Variants in DIAPH3 observed in about 807,000 individuals in gnomAD.
DIAPH3 encodes protein diaphanous homolog 3.
In DIAPH3, 117 loss-of-function variants were observed where a neutral mutation model predicts 144.3. That is an observed-to-expected ratio of 0.81 (90% CI 0.70 to 0.95). DIAPH3 has a LOEUF of 0.95. DIAPH3 is among the 40% of genes least tolerant of loss of function. The pLI is 0.00. For missense variants in DIAPH3, 1,421 were observed against 1,412.7 expected (o/e 1.01, Z -0.09); for synonymous variants, 519 against 488.9 (o/e 1.06, Z -0.81).
chr13:59,673,030 A>G lies in DIAPH3; in HGVS notation c.3320-6184T>C, dbSNP rs748449977. Among the ~76,000 whole-genome samples the G allele has an allele frequency of 1.1e-4, 17 of 152,328 alleles. No homozygotes were observed. The South Asian group carries it at 1.2e-3, about 11-fold the overall frequency. On this transcript the variant is annotated intron_variant, in intron 27 of 27. Transcript: ENST00000400324. ...TATCCTTTAAATAAAATTCAAAGACAGTACTGCCATTTCACAGTTTCCTAT... is the reference window on the plus strand; with the variant it reads ...TATCCTTTAAATAAAATTCAAAGACGGTACTGCCATTTCACAGTTTCCTAT...
chr13:60,006,743 C>T (rs571269866), intron 9 of DIAPH3, among the ~76,000 whole-genome samples: 61 of 152,206 alleles, frequency 4.0e-4, no homozygotes, highest in African/African-American at 1.4e-3. Context: ...GGAAATGAGG[C>T]TAGCAGTACA....
intron 18 of DIAPH3, among the ~76,000 whole-genome samples, chr13:59,917,270 G>GA (rs1264867733): frequency 6.6e-6 from 1 of 152,136 alleles, no homozygotes; most frequent in African/African-American, 2.4e-5. Context: ...TATAAAAGCA[G>GA]AATATAAGGA....
chr13:60,071,761 T>A (rs2057216050), intron 4 of DIAPH3, among the ~76,000 whole-genome samples: 1 of 152,216 alleles, frequency 6.6e-6, no homozygotes, highest in South Asian at 2.1e-4. Context: ...CTATACTTGA[T>A]CCCTCTGCCC....
intron 27 of DIAPH3, among the ~76,000 whole-genome samples, chr13:59,738,272 A>G (rs2036264564): frequency 6.6e-6 from 1 of 152,086 alleles, no homozygotes; most frequent in Non-Finnish European, 1.5e-5. Context: ...TCATCTTAGT[A>G]GAGATCCTGC....
chr13:59,730,989 C>G (rs2035866843), intron 27 of DIAPH3, among the ~76,000 whole-genome samples: 1 of 152,098 alleles, frequency 6.6e-6, no homozygotes, highest in Non-Finnish European at 1.5e-5. Flanking sequence ...CCCATTATTC[C>G]CTTCTTGTCA....
intron 3 of DIAPH3, among the ~76,000 whole-genome samples, chr13:60,094,942 T>G (rs1389668610): frequency 6.6e-6 from 1 of 152,192 alleles, no homozygotes; most frequent in Non-Finnish European, 1.5e-5. Flanking sequence ...TTTGTTTTGT[T>G]TCGTTTTTTT....
intron 27 of DIAPH3, among the ~76,000 whole-genome samples, chr13:59,765,274 T>C (rs576594565): frequency 1.3e-5 from 2 of 152,338 alleles, no homozygotes; most frequent in Admixed American, 6.5e-5. Flanking sequence ...TGTGCCATTC[T>C]TGTTGAAGGA....
intron 27 of DIAPH3, among the ~76,000 whole-genome samples, chr13:59,756,699 C>T (rs971257116): frequency 6.6e-6 from 1 of 152,152 alleles, no homozygotes; most frequent in African/African-American, 2.4e-5. Flanking sequence ...TACCCAAAAA[C>T]CTTGGGGAAG....
chr13:59,747,490 A>G (rs1167727808), intron 27 of DIAPH3, among the ~76,000 whole-genome samples: 2 of 152,204 alleles, frequency 1.3e-5, no homozygotes, highest in African/African-American at 4.8e-5. Context: ...GGGACAAGGC[A>G]TGAGTGGTTT....
At chr13:60,088,750 T>G (rs891595553) in intron 4 of DIAPH3, among the ~76,000 whole-genome samples, 31 of 152,128 alleles carry the variant, frequency 2.0e-4, no homozygotes, top group African/African-American at 7.2e-4. Context: ...GCCTCCTGAA[T>G]AGCTGGGATT....
intron 20 of DIAPH3, among the ~76,000 whole-genome samples, chr13:59,903,075 C>G (rs1321888169): frequency 6.6e-6 from 1 of 152,006 alleles, no homozygotes; most frequent in African/African-American, 2.4e-5. Flanking sequence ...TTCAGACTGA[C>G]ACAACTTATG....
At chr13:60,117,707 G>C (rs928504049) in intron 2 of DIAPH3, among the ~76,000 whole-genome samples, 2 of 152,092 alleles carry the variant, frequency 1.3e-5, no homozygotes, top group African/African-American at 2.4e-5. Context: ...TGATGAAATT[G>C]CACACACGAT....
At chr13:59,809,806 G>A (rs2040380443) in intron 25 of DIAPH3, among the ~76,000 whole-genome samples, 1 of 152,144 alleles carries the variant, frequency 6.6e-6, no homozygotes, top group Admixed American at 6.6e-5. Context: ...AGAAGGCAAA[G>A]TAGGCATCTC....
intron 4 of DIAPH3, among the ~76,000 whole-genome samples, chr13:60,064,863 C>A (rs1387291609): frequency 1.3e-5 from 2 of 152,086 alleles, no homozygotes; most frequent in Non-Finnish European, 2.9e-5. Context: ...ACTTGGGATT[C>A]TTCCTTTCAC....
At chr13:59,781,041 G>A (rs893195612) in intron 25 of DIAPH3, among the ~76,000 whole-genome samples, 13 of 152,176 alleles carry the variant, frequency 8.5e-5, no homozygotes, top group East Asian at 5.8e-4. Context: ...GGAGAAAAAA[G>A]ATAAGTCAGT....
chr13:59,875,352 A>T (rs1176754660), intron 21 of DIAPH3, among the ~76,000 whole-genome samples: 2 of 152,156 alleles, frequency 1.3e-5, no homozygotes, highest in Non-Finnish European at 1.5e-5. Context: ...AAGTCAAGCC[A>T]TCAGAAAGCA....
intron 27 of DIAPH3, among the ~76,000 whole-genome samples, chr13:59,726,077 T>C (rs1035744665): frequency 4.6e-5 from 7 of 152,232 alleles, no homozygotes; most frequent in African/African-American, 1.4e-4. Flanking sequence ...GCCTATTCCA[T>C]TCTATGAATT....
Position 60,104,111 on chromosome 13 carries a change from T to G in DIAPH3, c.390+7899A>C, listed in dbSNP as rs551012655. 3.9e-5 allele frequency among the ~76,000 whole-genome samples: 6 copies of G among 152,310 alleles called. No homozygotes were observed. The Middle Eastern group carries it at 0.014, about 348-fold the overall frequency. The stretch of plus-strand genomic sequence containing the variant: ...AATTAGAAAACTAAAAGATAAATAC[T>G]ACCAAGAACCTGGAACTTAGAATTA... On this transcript the variant is annotated intron_variant, in intron 3 of 27. Coordinates refer to ENST00000400324, the MANE Select transcript of DIAPH3 (RefSeq NM_001042517.2).
chr13:59,701,073 A>G (rs573569755), intron 27 of DIAPH3, among the ~76,000 whole-genome samples: 58 of 152,150 alleles, frequency 3.8e-4, no homozygotes, highest in Non-Finnish European at 6.8e-4. Flanking sequence ...CATTGCATGT[A>G]TGTATATTTT....
Sources: gnomAD v4.1 joint callset for allele counts (sites outside exome capture counted in the v4.1 genomes callset) on GRCh38, gnomAD v4.1.1 for gene constraint, MANE v1.5 for transcripts, NCBI Gene and HGNC (gene_info 2026-07-23, HGNC 2026-07-21) for gene names.